The following PTK2 variants were observed in gnomAD, a reference collection of about 807,000 sequenced individuals.
The protein encoded by PTK2 is protein tyrosine kinase 2.
Under a neutral mutation model 150.1 loss-of-function variants are expected in PTK2, and 45 were observed. That is an observed-to-expected ratio of 0.30 (90% CI 0.24 to 0.38). The LOEUF (loss-of-function observed/expected upper bound fraction) is 0.38. Among genes scored for constraint, PTK2 ranks in the 10% least tolerant of loss-of-function variants. The probability of loss-of-function intolerance (pLI) is 1.00; values close to 1 mark genes in which losing one functional copy is unlikely to be tolerated. For missense variants in PTK2, 919 were observed against 1,307.3 expected, an observed-to-expected ratio of 0.70 and a Z score of 4.58; for synonymous variants, 432 against 449.2, an observed-to-expected ratio of 0.96 and a Z score of 0.48.
chr8:140,850,684 C>T (rs556063527), intron 5 of PTK2, among the ~76,000 whole-genome samples: 22 of 152,000 alleles, frequency 1.4e-4, no homozygotes, highest in African/African-American at 5.1e-4. Context: ...GAGCCGTGAT[C>T]GTGTCACTGC....
chr8:140,890,802 A>C (rs1304273165), intron 2 of PTK2, 33 bp from the exon 3 acceptor site: 5 of 1,548,800 alleles, frequency 3.2e-6, no homozygotes, highest in Non-Finnish European at 4.5e-6. Flanking sequence ...TTTTGTGTAT[A>C]ATACTTGAAA....
chr8:140,798,194 T>C (rs2154592408), intron 12 of PTK2, among the ~76,000 whole-genome samples: 1 of 152,298 alleles, frequency 6.6e-6, no homozygotes, highest in Non-Finnish European at 1.5e-5. Context: ...TGCAGAAACA[T>C]GTTTAACATT....
intron 1 of PTK2, among the ~76,000 whole-genome samples, chr8:140,970,130 C>A (rs2154609616): frequency 6.6e-6 from 1 of 152,382 alleles, no homozygotes; most frequent in South Asian, 2.1e-4. Context: ...GCAGAGGCTT[C>A]AATTCTGAGA....
In PTK2 at chr8:140,982,403, C is replaced by T. The variant is rs1327573511; in HGVS notation, c.-122+18722G>A. Among the ~76,000 whole-genome samples the T allele has an allele frequency of 2.0e-5, 3 of 152,218 alleles. No individual in the cohort carries two copies. In the East Asian group the frequency reaches 5.8e-4, roughly 29 times the overall value. ...CACAAGGTCAGGAGTTCGAGACCAG[C>T]CTGACCAACATGGTGAAACCCCATC... is the stretch of plus-strand genomic sequence containing the variant. On this transcript the variant is annotated intron_variant, in intron 1 of 31. Transcript: ENST00000522684.
intron 1 of PTK2, among the ~76,000 whole-genome samples, chr8:140,995,626 ACC>A (rs2100197385): frequency 6.6e-6 from 1 of 151,392 alleles, no homozygotes. Flanking sequence ...ACACGGCAAA[ACC>A]CCGTCTCTAC....
intron 3 of PTK2, among the ~76,000 whole-genome samples, chr8:140,890,124 A>G (rs2100153727): frequency 1.3e-5 from 2 of 152,200 alleles, no homozygotes; most frequent in African/African-American, 2.4e-5. Context: ...GACACACAGC[A>G]TATGTTCAAG....
chr8:140,959,538 C>CAAA (rs34010616), intron 1 of PTK2, among the ~76,000 whole-genome samples: 3 of 85,054 alleles, frequency 3.5e-5, no homozygotes, highest in African/African-American at 5.3e-5. Flanking sequence ...GACTCTGTCT[C>CAAA]AAAAAAAAAA....
intron 1 of PTK2, among the ~76,000 whole-genome samples, chr8:140,938,369 C>T (rs1321206832): frequency 6.6e-6 from 1 of 152,170 alleles, no homozygotes; most frequent in Admixed American, 6.5e-5. Context: ...AGCCCTAGAC[C>T]TGAGACAAAT....
intron 14 of PTK2, among the ~76,000 whole-genome samples, chr8:140,768,007 G>C (rs955691287): frequency 2.0e-5 from 3 of 151,952 alleles, no homozygotes; most frequent in Non-Finnish European, 2.9e-5. Context: ...AAAATACAAA[G>C]AAAAAAGGAA....
At chr8:140,837,407 GGTA>G (rs1731190690) in intron 7 of PTK2, among the ~76,000 whole-genome samples, 1 of 152,154 alleles carries the variant, frequency 6.6e-6, no homozygotes, top group Non-Finnish European at 1.5e-5. Flanking sequence ...ATGCCTTAGT[GGTA>G]GTAGTAGTAC....
At chr8:140,932,869 T>TTTTG (rs1555411975) in intron 1 of PTK2, among the ~76,000 whole-genome samples, 4 of 150,794 alleles carry the variant, frequency 2.7e-5, no homozygotes, top group African/African-American at 9.8e-5. Context: ...CCCCTTTTTT[T>TTTTG]GAGATGAAGT....
intron 24 of PTK2, among the ~76,000 whole-genome samples, chr8:140,704,125 A>G (rs958496860): frequency 6.6e-6 from 1 of 152,222 alleles, no homozygotes; most frequent in East Asian, 1.9e-4. Context: ...TCTGGTGAAA[A>G]GGGATGTATT....
At chr8:140,988,665 C>A (rs1055836897) in intron 1 of PTK2, among the ~76,000 whole-genome samples, 1 of 143,518 alleles carries the variant, frequency 7.0e-6, no homozygotes, top group Admixed American at 7.5e-5. Context: ...GGAGGCGGAG[C>A]CTGCAGTGAG....
chr8:140,848,283 A>G (rs990998037), intron 5 of PTK2, among the ~76,000 whole-genome samples: 2 of 152,248 alleles, frequency 1.3e-5, no homozygotes, highest in Non-Finnish European at 2.9e-5. Flanking sequence ...GCACTAAAAA[A>G]GTATGAACAT....
intron 27 of PTK2, among the ~76,000 whole-genome samples, chr8:140,685,623 C>A (rs774307310): frequency 6.6e-6 from 1 of 152,126 alleles, no homozygotes; most frequent in Non-Finnish European, 1.5e-5. Flanking sequence ...ACATGGCCAA[C>A]AAGCATATGA....
chr8:140,825,131 C>T (rs534000426), intron 8 of PTK2, among the ~76,000 whole-genome samples: 1 of 152,292 alleles, frequency 6.6e-6, no homozygotes, highest in South Asian at 2.1e-4. Context: ...TCAACCCAAA[C>T]ACCAAATGCT....
chr8:140,851,194 A>C (rs1343055206), intron 5 of PTK2, among the ~76,000 whole-genome samples: 1 of 152,250 alleles, frequency 6.6e-6, no homozygotes, highest in Non-Finnish European at 1.5e-5. Context: ...ACTCAATGGC[A>C]GCTCCAAATT....
intron 22 of PTK2, among the ~76,000 whole-genome samples, chr8:140,726,472 T>C (rs1207669753): frequency 6.6e-6 from 1 of 152,130 alleles, no homozygotes; most frequent in Non-Finnish European, 1.5e-5. Context: ...CTACTTAAAT[T>C]GCTGAAAAAT....
intron 29 of PTK2, 59 bp from the exon 34 acceptor site, chr8:140,668,483 C>T: frequency 1.3e-6 from 2 of 1,537,838 alleles, no homozygotes; most frequent in Non-Finnish European, 1.8e-6. Flanking sequence ...GAGATCACCA[C>T]AATCAAGCTA....
Sources: gnomAD v4.1 joint callset for allele counts (sites outside exome capture counted in the v4.1 genomes callset) on GRCh38, gnomAD v4.1.1 for gene constraint, MANE v1.5 for transcripts, NCBI Gene and HGNC (gene_info 2026-07-23, HGNC 2026-07-21) for gene names.